Variants in RGS12 observed in about 807,000 individuals in gnomAD.
RGS12 encodes the protein regulator of G-protein signaling 12.
A neutral mutation model predicts 120.1 loss-of-function variants in RGS12; 66 were observed. That is an observed-to-expected ratio of 0.55 (90% confidence interval 0.45 to 0.67). RGS12 has a LOEUF of 0.67. Ranked by LOEUF, RGS12 falls within the 30% of genes least tolerant of loss-of-function variation. RGS12 has a pLI of 0.00. For missense variants in RGS12, 1,859 were observed against 1,957.7 expected (o/e 0.95, Z 0.95); for synonymous variants, 827 against 804.7 (o/e 1.03, Z -0.47).
At chr4:3,315,811 G>A (rs1724699042) in intron 1 of RGS12, among the ~76,000 whole-genome samples, 1 of 152,236 alleles carries the variant, frequency 6.6e-6, no homozygotes, top group Admixed American at 6.5e-5. Flanking sequence ...GTGCTGGGAA[G>A]CAGTCCTGCA....
chr4:3,358,973 C>A (rs867102134), intron 3 of RGS12, among the ~76,000 whole-genome samples: 3 of 66,082 alleles, frequency 4.5e-5, no homozygotes, highest in Admixed American at 2.8e-4. Flanking sequence ...CTCCTCCCCT[C>A]CTCCCTCTCC....
rs1458214276 is a variant in RGS12 at position 3,374,181 on chromosome 4, G to A, written c.1999-12235G>A. Among the ~76,000 whole-genome samples the A allele has an allele frequency of 1.3e-5, 2 of 152,242 alleles. No individual in the cohort carries two copies. Among genetic ancestry groups the A allele is most frequent in the Non-Finnish European group, 2.9e-5 (2 of 68,034 alleles). ...CTGGTTGAGGTTCCTTGCAACGCTT[G>A]CCATCCTACGCATGATGCAGGGACC... On this transcript the variant is annotated intron_variant, in intron 3 of 17. Coordinates refer to ENST00000336727, the MANE Select transcript of RGS12 (RefSeq NM_001394154.1). This position sits in a 1 kb window ranked among gnomAD's most constrained non-coding sequence, Gnocchi z 6.3.
chr4:3,405,858 C>T (rs983906443), intron 4 of RGS12, among the ~76,000 whole-genome samples: 1 of 152,054 alleles, frequency 6.6e-6, no homozygotes, highest in Non-Finnish European at 1.5e-5. Context: ...TATGGGAGTC[C>T]CTTTTATTAT....
intron 3 of RGS12, among the ~76,000 whole-genome samples, chr4:3,350,810 G>A (rs1714280378): frequency 6.6e-6 from 1 of 152,082 alleles, no homozygotes; most frequent in Admixed American, 6.5e-5. Context: ...ATTTCTTAAG[G>A]GATTTCTGGC....
intron 3 of RGS12, among the ~76,000 whole-genome samples, chr4:3,353,787 C>T (rs1057344795): frequency 1.3e-5 from 2 of 152,132 alleles, no homozygotes; most frequent in African/African-American, 4.8e-5. Flanking sequence ...CCAGGACTCC[C>T]TTCATAACCT....
At chr4:3,420,294 A>C in intron 9 of RGS12, 1 of 327,066 alleles carries the variant, frequency 3.1e-6, no homozygotes, top group Non-Finnish European at 5.7e-6. Context: ...TTACCGGGAC[A>C]TGCACCTGGG....
rs748359816 is a variant in RGS12 at position 3,316,497 on chromosome 4, A to C, written c.327A>C (p.Glu109Asp). Residue 109 changes from glutamate (E) to aspartate (D), a missense_variant, in exon 2 of 18, where the codon GAA (glutamate) becomes GAC (aspartate). This residue lies in a region of RGS12 where 967 missense variants were observed against 994.2 expected (regional missense o/e 0.97). Transcript: ENST00000336727. ...VGRFESCSSD[E>D]EGGLYEGKGW... ...GCTTCGAATCCTGTTCCAGTGATGAAGAAGGGGGACTCTATGAAGGAAAAG... is the reference window on the plus strand; with the variant it reads ...GCTTCGAATCCTGTTCCAGTGATGACGAAGGGGGACTCTATGAAGGAAAAG... 36 of 1,614,060 alleles carry C rather than the reference A, an allele frequency of 2.2e-5. 1 individual carries two copies. The Middle Eastern group carries it at 6.6e-4, about 29-fold the overall frequency.
intron 4 of RGS12, among the ~76,000 whole-genome samples, chr4:3,391,220 G>T (rs9291160): frequency 0.032 from 4,885 of 152,258 alleles, 245 homozygotes; most frequent in African/African-American, 0.11. Flanking sequence ...GTAGGGTGTG[G>T]AATACCGTAT....
intron 1 of RGS12, among the ~76,000 whole-genome samples, chr4:3,301,147 A>AC (rs1216949523): frequency 1.5e-5 from 2 of 134,718 alleles, no homozygotes; most frequent in Non-Finnish European, 3.2e-5. Context: ...CCTCTGTAAC[A>AC]CGGGGTCTGT....
intron 2 of RGS12, among the ~76,000 whole-genome samples, chr4:3,338,073 T>A (rs1183216840): frequency 6.6e-6 from 1 of 152,178 alleles, no homozygotes; most frequent in African/African-American, 2.4e-5. Flanking sequence ...TTCACTGTTT[T>A]GTTTTAGACA....
Position 3,316,363 on chromosome 4 carries a change from C to G in RGS12, c.193C>G (p.Leu65Val). Residue 65 changes from leucine to valine, a missense_variant, in exon 2 of 18, where the codon CTT (leucine) becomes GTT (valine). Physicochemically the swap from Leu to Val is conservative, Grantham distance 32 (BLOSUM62 1). This residue lies in a region of RGS12 where 967 missense variants were observed against 994.2 expected (regional missense o/e 0.97). Transcript: ENST00000336727. ...GGGCCTCCGAGCTGGAGACCAGATA[C>G]TTGCTGTCAATGAAATCAACGTGAA... is the stretch of plus-strand genomic sequence containing the variant. ...FVGLRAGDQILAVNEINVKKA... is the reference protein window; with the variant it reads ...FVGLRAGDQIVAVNEINVKKA... 6.2e-7 allele frequency: 1 copy of G among 1,614,194 alleles called. No individual in the cohort carries two copies. The highest frequency in any genetic ancestry group is 8.5e-7 in the Non-Finnish European group (1 of 1,180,050).
chr4:3,391,062 C>T (rs1719441402), intron 4 of RGS12, among the ~76,000 whole-genome samples: 1 of 152,242 alleles, frequency 6.6e-6, no homozygotes, highest in Non-Finnish European at 1.5e-5. Flanking sequence ...AAAATGTTTG[C>T]TAAATAGCAG....
intron 7 of RGS12, 55 bp downstream of exon 7, chr4:3,416,176 G>C: frequency 1.3e-6 from 2 of 1,593,512 alleles, no homozygotes; most frequent in Non-Finnish European, 1.7e-6. Flanking sequence ...TCGGGGTATA[G>C]GGTCCACCTT....
At chr4:3,414,357 G>A (rs865967361) in intron 5 of RGS12, 116 bp downstream of exon 5, 58 of 1,186,728 alleles carry the variant, frequency 4.9e-5, no homozygotes, top group Non-Finnish European at 5.6e-5. Flanking sequence ...GAGCAGCCCC[G>A]TGGCAGGGGT....
rs1724215102 is a variant in RGS12, at chr4:3,430,865, C to G, written c.4024C>G (p.Leu1342Val). The G allele has an allele frequency of 6.2e-7, 1 of 1,612,210 alleles. No individual in the cohort carries two copies. Among genetic ancestry groups the G allele is most frequent in the East Asian group, 2.2e-5 (1 of 44,890 alleles). The change falls in exon 17 of 18, where the codon CTG becomes GTG. Residue 1342 changes from leucine to valine, a missense_variant. Transcript: ENST00000336727. ...GGATGAGCACGTGGCCGAGCTGACC[C>G]TGATGGGGGAGGGGGACATCAGCAG... ...VEDEHVAELT[L>V]MGEGDISSPN...
At chr4:3,379,168 A>T (rs1022655025) in intron 3 of RGS12, among the ~76,000 whole-genome samples, 1 of 152,180 alleles carries the variant, frequency 6.6e-6, no homozygotes, top group Non-Finnish European at 1.5e-5. Flanking sequence ...CATTGAATTC[A>T]TGGACGCAGA....
intron 1 of RGS12, among the ~76,000 whole-genome samples, chr4:3,309,129 C>T (rs1484688993): frequency 3.2e-5 from 3 of 93,494 alleles, no homozygotes; most frequent in Non-Finnish European, 6.4e-5. Flanking sequence ...GGAGCTGGGA[C>T]TCGGGAATGG....
At chr4:3,417,679 C>G (rs963522693) in intron 9 of RGS12, 138 bp downstream of exon 9, 14 of 860,328 alleles carry the variant, frequency 1.6e-5, no homozygotes, top group African/African-American at 6.8e-5. Flanking sequence ...GGAAGCTTCT[C>G]TGAATGAATA....
intron 1 of RGS12, among the ~76,000 whole-genome samples, chr4:3,307,534 C>T (rs1724040889): frequency 6.6e-6 from 1 of 152,250 alleles, no homozygotes; most frequent in Non-Finnish European, 1.5e-5. Context: ...AAAACATGCA[C>T]AGAAATAATT....
Sources: gnomAD v4.1 joint callset for allele counts (sites outside exome capture counted in the v4.1 genomes callset) on GRCh38, gnomAD v4.1.1 for gene constraint, gnomAD v4.1.1 regional missense constraint, Gnocchi (gnomAD v3.1) non-coding constraint, MANE v1.5 for transcripts, NCBI Gene and HGNC (gene_info 2026-07-23, HGNC 2026-07-21) for gene names.